Variants in CARNMT1 observed in about 807,000 individuals in gnomAD.
CARNMT1 encodes protein-L-histidine N-pros-methyltransferase CARNMT1.
Under a neutral mutation model 49.6 loss-of-function variants are expected in CARNMT1, and 28 were observed. That is an observed-to-expected ratio of 0.56 (90% CI 0.42 to 0.77). The LOEUF (loss-of-function observed/expected upper bound fraction) is 0.77. Ranked by LOEUF, CARNMT1 falls within the 30% of genes least tolerant of loss-of-function variation. The pLI, the probability that CARNMT1 is intolerant of heterozygous loss-of-function variation, is 0.00. For synonymous variants in CARNMT1, 178 were observed against 175.0 expected, an observed-to-expected ratio of 1.02 and a Z score of -0.13; for missense variants, 421 against 512.6, an observed-to-expected ratio of 0.82 and a Z score of 1.73.
At chr9:74,992,258 T>C (rs1259065905) in intron 6 of CARNMT1, among the ~76,000 whole-genome samples, 2 of 150,246 alleles carry the variant, frequency 1.3e-5, no homozygotes. Flanking sequence ...GGTGACAGAG[T>C]GAGACTCCAT....
intron 1 of CARNMT1, among the ~76,000 whole-genome samples, chr9:75,024,776 C>T (rs1822475152): frequency 6.6e-6 from 1 of 152,146 alleles, no homozygotes; most frequent in Non-Finnish European, 1.5e-5. Flanking sequence ...GGACGTACAG[C>T]TGACCCTTGA....
chr9:75,017,192 AG>A, intron 2 of CARNMT1, 60 bp downstream of exon 2: 1 of 1,276,186 alleles, frequency 7.8e-7, no homozygotes, highest in Non-Finnish European at 1.1e-6. Context: ...AGAAAATAAA[AG>A]ACCTCAAAAT....
Position 75,022,105 on chromosome 9 carries a change from C to T in CARNMT1, c.231-4657G>A, listed in dbSNP as rs1224455664. Among the ~76,000 whole-genome samples the T allele has an allele frequency of 2.6e-5, 4 of 151,606 alleles. No homozygotes were observed. The East Asian group carries it at 7.7e-4, about 29-fold the overall frequency. On this transcript the variant is annotated intron_variant, in intron 1 of 7. Coordinates refer to ENST00000376834, the MANE Select transcript of CARNMT1 (RefSeq NM_152420.3). Reference sequence around the variant, plus strand: ...ATTTCCCAACTACTGGGCATTTAGACACTCACTTGTTTTTGTGATGAACAT... The same window carrying T: ...ATTTCCCAACTACTGGGCATTTAGATACTCACTTGTTTTTGTGATGAACAT...
chr9:75,013,794 G>A lies in CARNMT1; in HGVS notation c.590+2474C>T, dbSNP rs115556038. Among the ~76,000 whole-genome samples the A allele has an allele frequency of 8.6e-3, 1,303 of 151,852 alleles. 23 individuals carry two copies. The highest frequency in any genetic ancestry group is 0.029 in the African/African-American group (1,217 of 41,424). ...AGAGGCAGGAGGATCACTTGAGGCC[G>A]GGAGTTCAAGACCAGCCTGTTCAAC... On this transcript the variant is annotated intron_variant, in intron 3 of 7. Transcript: ENST00000376834.
chr9:75,005,873 C>CACACACAA (rs1491304654), intron 3 of CARNMT1, among the ~76,000 whole-genome samples: 8 of 132,330 alleles, frequency 6.0e-5, no homozygotes, highest in African/African-American at 2.4e-4. Flanking sequence ...CACACACACA[C>CACACACAA]AATAAAAGGC....
In CARNMT1 at chr9:75,028,132, C is replaced by CA; in HGVS notation, c.109dup (p.Trp37LeufsTer26). 6.4e-7 allele frequency: 1 copy of CA among 1,551,486 alleles called. No individual in the cohort carries two copies. Among genetic ancestry groups the CA allele is most frequent in the Non-Finnish European group, 8.7e-7 (1 of 1,151,022 alleles). On this transcript the variant is annotated frameshift_variant, in exon 1 of 8. Coordinates refer to ENST00000376834, the MANE Select transcript of CARNMT1 (RefSeq NM_152420.3). LOFTEE classifies it high-confidence loss of function. ...CGCCGAAACCGCCGCGGCCGAGCCC[C>CA]AACGCCCGGCGGAAAACTGCACTTC...
At position 75,016,433 on chromosome 9, in the gene CARNMT1, T is replaced by C. The variant is rs770539113; in HGVS notation, c.427-2A>G. The C allele has an allele frequency of 1.2e-6, 2 of 1,611,954 alleles. No homozygotes were observed. The highest frequency in any genetic ancestry group is 1.7e-6 in the Non-Finnish European group (2 of 1,179,488). On this transcript the variant is annotated splice_acceptor_variant, in intron 2 of 7. Transcript: ENST00000376834. LOFTEE classifies it high-confidence loss of function. ...TGCTGGCATAATCTTTCCATTCCCC[T>C]GTTTAAAAAACAGACATCAATTAGC...
intron 3 of CARNMT1, among the ~76,000 whole-genome samples, chr9:75,008,559 G>GC: frequency 6.6e-6 from 1 of 152,192 alleles, no homozygotes; most frequent in Non-Finnish European, 1.5e-5. Context: ...ACCTGCCTCG[G>GC]CCCCCCAAAG....
intron 3 of CARNMT1, among the ~76,000 whole-genome samples, chr9:75,015,052 T>C (rs1366662738): frequency 6.6e-6 from 1 of 152,176 alleles, no homozygotes; most frequent in African/African-American, 2.4e-5. Flanking sequence ...GTTAAATATA[T>C]ACCCCTAAAT....
intron 6 of CARNMT1, among the ~76,000 whole-genome samples, chr9:74,993,997 TG>T (rs769042951): frequency 6.6e-6 from 1 of 152,196 alleles, no homozygotes; most frequent in Non-Finnish European, 1.5e-5. Context: ...CCAGTGTGGC[TG>T]TATTTGAAAG....
intron 1 of CARNMT1, among the ~76,000 whole-genome samples, chr9:75,024,962 A>C (rs184165289): frequency 2.0e-5 from 3 of 152,350 alleles, no homozygotes; most frequent in Non-Finnish European, 1.5e-5. Context: ...TCTTACAATA[A>C]AGCTAAGAAA....
At position 75,011,371 on chromosome 9, in the gene CARNMT1, C is replaced by CATT. The variant is rs373516512; in HGVS notation, c.590+4894_590+4896dup. ...GATGAGATGTCCCTCCTGTGATTGT[C>CATT]ATTATTATTATTATTATTGAGACAG... On this transcript the variant is annotated intron_variant, in intron 3 of 7. Transcript: ENST00000376834. Among the ~76,000 whole-genome samples the CATT allele has an allele frequency of 1.1e-4, 16 of 151,916 alleles. No homozygotes were observed. The South Asian group carries it at 1.2e-3, about 12-fold the overall frequency.
At chr9:74,994,504 A>C (rs1833128733) in intron 6 of CARNMT1, among the ~76,000 whole-genome samples, 1 of 152,114 alleles carries the variant, frequency 6.6e-6, no homozygotes, top group Non-Finnish European at 1.5e-5. Context: ...AGGATTTTGA[A>C]GTATCTGTGG....
rs1315766892 is a variant in CARNMT1 at position 75,028,122 on chromosome 9, G to A, written c.120C>T (p.Ala40=). 2.6e-6 allele frequency: 4 copies of A among 1,556,706 alleles called. No homozygotes were observed. The highest frequency in any genetic ancestry group is 2.6e-5 in the East Asian group (1 of 38,912). The change falls in exon 1 of 8, where the codon GCC becomes GCT. Residue 40 remains alanine (A), a synonymous_variant. Coordinates refer to ENST00000376834, the MANE Select transcript of CARNMT1 (RefSeq NM_152420.3). ...VQFSAGRWGS[A]AAVSAAAAAA... ...CCGCCGCTGCCGCCGAAACCGCCGC[G>A]GCCGAGCCCCAACGCCCGGCGGAAA...
At chr9:75,008,337 A>AC (rs1554757034) in intron 3 of CARNMT1, among the ~76,000 whole-genome samples, 2 of 151,806 alleles carry the variant, frequency 1.3e-5, no homozygotes, top group Non-Finnish European at 2.9e-5. Flanking sequence ...ATCTTTATAA[A>AC]TTTTTTTTTC....
At chr9:75,010,655 G>T (rs1833664008) in intron 3 of CARNMT1, among the ~76,000 whole-genome samples, 1 of 152,160 alleles carries the variant, frequency 6.6e-6, no homozygotes. Flanking sequence ...GAAATAATGT[G>T]AAGAGACATA....
intron 2 of CARNMT1, chr9:75,016,874 A>C (rs570254447): frequency 4.8e-5 from 14 of 288,972 alleles, no homozygotes; most frequent in Non-Finnish European, 8.2e-5. Flanking sequence ...AAGTGAAAAC[A>C]ATTTCTTACA....
At chr9:75,003,688 C>T (rs1833427513) in intron 3 of CARNMT1, among the ~76,000 whole-genome samples, 1 of 152,224 alleles carries the variant, frequency 6.6e-6, no homozygotes, top group African/African-American at 2.4e-5. Flanking sequence ...TGTTTCCAAT[C>T]TTTCACTATC....
intron 1 of CARNMT1, among the ~76,000 whole-genome samples, chr9:75,025,337 C>T (rs1483656417): frequency 6.6e-6 from 1 of 152,222 alleles, no homozygotes; most frequent in Non-Finnish European, 1.5e-5. Context: ...ATACTGGTAA[C>T]ATCTGAGCTT....
Sources: gnomAD v4.1 joint callset for allele counts (sites outside exome capture counted in the v4.1 genomes callset) on GRCh38, gnomAD v4.1.1 for gene constraint, MANE v1.5 for transcripts, NCBI Gene and HGNC (gene_info 2026-07-23, HGNC 2026-07-21) for gene names.